PPP1R37: variants seen among roughly 807,000 people sequenced by gnomAD.
PPP1R37 encodes leucine rich repeat containing 68.
PPP1R37 carries 21 observed loss-of-function variants against 61.0 expected under a neutral mutation model. The observed-to-expected ratio is 0.34, with a 90% CI of 0.24 to 0.50. The LOEUF (loss-of-function observed/expected upper bound fraction) is 0.50, where lower values mean the gene tolerates loss of function less well. Among genes scored for constraint, PPP1R37 ranks in the 20% least tolerant of loss-of-function variants. The pLI, the probability that PPP1R37 is intolerant of heterozygous loss-of-function variation, is 0.98. For missense variants in PPP1R37, 910 were observed against 952.7 expected, an observed-to-expected ratio of 0.96 and a Z score of 0.59; for synonymous variants, 443 against 433.5, an observed-to-expected ratio of 1.02 and a Z score of -0.27.
In PPP1R37 at chr19:45,114,409, G is replaced by A. The variant is rs188668559; in HGVS notation, c.202+20882G>A. On this transcript the variant is annotated intron_variant, in intron 1 of 12. Coordinates refer to ENST00000221462, the MANE Select transcript of PPP1R37 (RefSeq NM_019121.2). The stretch of plus-strand genomic sequence containing the variant: ...GCTGGCCATGGGCCACACAAGCCCA[G>A]CCCTCCTGGTGTCTGGAACAGGACC... Among the ~76,000 whole-genome samples the A allele has an allele frequency of 2.1e-3, 326 of 152,330 alleles. 2 individuals carry two copies. The highest frequency in any genetic ancestry group is 7.5e-3 in the African/African-American group (310 of 41,570).
At chr19:45,124,807 G>GGA (rs71173119) in intron 1 of PPP1R37, among the ~76,000 whole-genome samples, 4 of 142,534 alleles carry the variant, frequency 2.8e-5, no homozygotes, top group Non-Finnish European at 4.6e-5. Context: ...CATAAAAAAA[G>GGA]AAAAAAAAAA....
chr19:45,093,788 T>G (rs1049521314), intron 1 of PPP1R37, among the ~76,000 whole-genome samples: 2 of 151,854 alleles, frequency 1.3e-5, no homozygotes, highest in African/African-American at 4.8e-5. Flanking sequence ...CGATGAGCAA[T>G]TAAAGAAAGT....
At chr19:45,141,113 G>C (rs1323217314) in intron 4 of PPP1R37, among the ~76,000 whole-genome samples, 1 of 152,200 alleles carries the variant, frequency 6.6e-6, no homozygotes, top group African/African-American at 2.4e-5. Context: ...TGGAGGGCAA[G>C]TGACAGAAAA....
chr19:45,126,474 A>G (rs1968406419), intron 1 of PPP1R37, among the ~76,000 whole-genome samples: 1 of 152,180 alleles, frequency 6.6e-6, no homozygotes, highest in Non-Finnish European at 1.5e-5. Flanking sequence ...CGAGGCCCGC[A>G]TGCTGTGGGG....
intron 1 of PPP1R37, among the ~76,000 whole-genome samples, chr19:45,112,637 G>A (rs1174660089): frequency 1.3e-5 from 2 of 152,252 alleles, no homozygotes; most frequent in South Asian, 2.1e-4. Context: ...CTTTCAGGAC[G>A]CCCCCAACCC....
chr19:45,100,019 T>G (rs1200875707), intron 1 of PPP1R37: 1 of 152,240 alleles, frequency 6.6e-6, no homozygotes, highest in Non-Finnish European at 1.5e-5. Context: ...TCTGCGAACC[T>G]TCACAGGCAT....
intron 1 of PPP1R37, among the ~76,000 whole-genome samples, chr19:45,094,485 G>C (rs1967966662): frequency 6.6e-6 from 1 of 152,100 alleles, no homozygotes; most frequent in Admixed American, 6.5e-5. Flanking sequence ...CCAGCACTTT[G>C]GGAGGCCAAG....
At chr19:45,138,653 AG>A in intron 2 of PPP1R37, 42 bp downstream of exon 2, 3 of 1,443,062 alleles carry the variant, frequency 2.1e-6, no homozygotes, top group East Asian at 2.5e-5. Context: ...GTGGGTGTCA[AG>A]GGGGGCCCTA....
chr19:45,123,295 A>G (rs1271137588), intron 1 of PPP1R37, among the ~76,000 whole-genome samples: 3 of 152,136 alleles, frequency 2.0e-5, no homozygotes, highest in South Asian at 2.1e-4. Flanking sequence ...TCTCCCGCCC[A>G]GCACTGGCAC....
At position 45,141,411 on chromosome 19, in the gene PPP1R37, C is replaced by T. The variant is rs1376748150; in HGVS notation, c.537C>T (p.Gly179=). The change falls in exon 5 of 13, where the codon GGC becomes GGT. Residue 179 remains glycine (G), a synonymous_variant. Transcript: ENST00000221462. The part of the protein sequence containing the change: ...ISFNKHIGTR[G]WQAAAHMMRK... ...TCAACAAGCACATCGGCACCCGGGG[C>T]TGGCAGGCGGCCGCCCACATGATGC... The T allele has an allele frequency of 1.3e-6, 2 of 1,535,938 alleles. No individual in the cohort carries two copies. Among genetic ancestry groups the T allele is most frequent in the Non-Finnish European group, 1.7e-6 (2 of 1,146,826 alleles).
intron 1 of PPP1R37, among the ~76,000 whole-genome samples, chr19:45,099,114 C>T (rs2122706507): frequency 6.6e-6 from 1 of 152,288 alleles, no homozygotes; most frequent in South Asian, 2.1e-4. Context: ...CACTCCTCTG[C>T]CCCCACCTAT....
Position 45,121,094 on chromosome 19 carries a change from G to A in PPP1R37, c.203-17420G>A, listed in dbSNP as rs953851117. Among the ~76,000 whole-genome samples, 8 of 152,336 alleles carry A rather than the reference G, an allele frequency of 5.3e-5. No homozygotes were observed. The highest frequency in any genetic ancestry group is 3.9e-4 in the Admixed American group (6 of 15,300). ...GTTTGTCAATCGCTTAGTTTTGGGA[G>A]TGGGCGCAAAGTTACGGCTCCACCG... On this transcript the variant is annotated intron_variant, in intron 1 of 12. Transcript: ENST00000221462. The surrounding 1 kb of genome is among the most constrained non-coding windows in gnomAD (Gnocchi z 4.2).
chr19:45,097,901 A>T (rs2122705253), intron 1 of PPP1R37, among the ~76,000 whole-genome samples: 1 of 152,262 alleles, frequency 6.6e-6, no homozygotes, highest in East Asian at 1.9e-4. Context: ...AGTGACATGT[A>T]GCTGAATGTC....
intron 1 of PPP1R37, among the ~76,000 whole-genome samples, chr19:45,131,897 G>A (rs994172480): frequency 3.9e-5 from 6 of 152,144 alleles, no homozygotes; most frequent in South Asian, 2.1e-4. Context: ...GTGCTCTCAC[G>A]TCCCTTGTTG....
intron 1 of PPP1R37, among the ~76,000 whole-genome samples, chr19:45,116,625 C>G (rs1225098100): frequency 6.6e-6 from 1 of 152,206 alleles, no homozygotes; most frequent in Non-Finnish European, 1.5e-5. Context: ...GGCTCCCTTC[C>G]CTCCAGCCCG....
At position 45,130,390 on chromosome 19, in the gene PPP1R37, G is replaced by T. The variant is rs993155369; in HGVS notation, c.203-8124G>T. Among the ~76,000 whole-genome samples, 9 of 152,136 alleles carry T rather than the reference G, an allele frequency of 5.9e-5. No individual in the cohort carries two copies. Among genetic ancestry groups the T allele is most frequent in the African/African-American group, 2.2e-4 (9 of 41,422 alleles). On this transcript the variant is annotated intron_variant, in intron 1 of 12. Coordinates refer to ENST00000221462, the MANE Select transcript of PPP1R37 (RefSeq NM_019121.2). The surrounding 1 kb of genome is among the most constrained non-coding windows in gnomAD (Gnocchi z 4.4). ...AGCGAAGTCCTCACCAGGGTCCACG[G>T]GGTCACCGTCCCACATCATCCCCAG...
chr19:45,144,815 T>C, intron 8 of PPP1R37, 39 bp from the exon 9 acceptor site: 1 of 1,489,864 alleles, frequency 6.7e-7, no homozygotes, highest in Non-Finnish European at 9.0e-7. Context: ...TCCTCCGCCA[T>C]CACGGCCTCC....
chr19:45,093,796 A>T (rs1967955915), intron 1 of PPP1R37, among the ~76,000 whole-genome samples: 1 of 152,136 alleles, frequency 6.6e-6, no homozygotes, highest in Non-Finnish European at 1.5e-5. Context: ...AATTAAAGAA[A>T]GTTTGGTGTT....
At chr19:45,119,059 A>G (rs1462417036) in intron 1 of PPP1R37, among the ~76,000 whole-genome samples, 1 of 149,540 alleles carries the variant, frequency 6.7e-6, no homozygotes, top group Non-Finnish European at 1.5e-5. Context: ...GTGTGATCTC[A>G]CTCACTGCAG....
Sources: allele counts gnomAD v4.1 joint callset (sites outside exome capture counted in the v4.1 genomes callset), GRCh38; gene constraint gnomAD v4.1.1; non-coding constraint Gnocchi (gnomAD v3.1); transcripts MANE v1.5; gene names NCBI Gene and HGNC (gene_info 2026-07-23, HGNC 2026-07-21).